ADAMTS3: variants seen among roughly 807,000 people sequenced by gnomAD.
ADAMTS3 encodes A disintegrin and metalloproteinase with thrombospondin motifs 3.
Under a neutral mutation model 129.0 loss-of-function variants are expected in ADAMTS3, and 73 were observed. The observed-to-expected ratio is 0.57, with a 90% CI of 0.47 to 0.69. The LOEUF is 0.69. ADAMTS3 is among the 30% of genes least tolerant of loss of function. ADAMTS3 has a pLI of 0.00. For missense variants in ADAMTS3, 1,457 were observed against 1,514.5 expected (o/e 0.96, Z 0.63); for synonymous variants, 477 against 510.8 (o/e 0.93, Z 0.89).
chr4:72,480,359 G>A (rs1050036696), intron 3 of ADAMTS3, among the ~76,000 whole-genome samples: 1 of 152,134 alleles, frequency 6.6e-6, no homozygotes, highest in Non-Finnish European at 1.5e-5. Context: ...GGAATACTAT[G>A]CAGCCATAAA....
intron 3 of ADAMTS3, among the ~76,000 whole-genome samples, chr4:72,452,742 G>C (rs78936064): frequency 1.9e-3 from 287 of 151,692 alleles, no homozygotes; most frequent in African/African-American, 6.7e-3. Flanking sequence ...CTACAAATTG[G>C]GCAGGTTCCC....
chr4:72,445,365 T>C (rs1718224261), intron 3 of ADAMTS3, among the ~76,000 whole-genome samples: 1 of 151,682 alleles, frequency 6.6e-6, no homozygotes, highest in African/African-American at 2.4e-5. Flanking sequence ...TTCTCCTGAG[T>C]CTAAAGCCAG....
intron 3 of ADAMTS3, among the ~76,000 whole-genome samples, chr4:72,477,971 A>T (rs1311049101): frequency 1.3e-5 from 2 of 152,100 alleles, no homozygotes; most frequent in Non-Finnish European, 2.9e-5. Context: ...CGACACATAC[A>T]CCCTCCCAAG....
intron 4 of ADAMTS3, among the ~76,000 whole-genome samples, chr4:72,392,323 G>GT (rs1223621051): frequency 6.6e-6 from 1 of 151,714 alleles, no homozygotes; most frequent in Non-Finnish European, 1.5e-5. Flanking sequence ...TGATGGCACT[G>GT]TAACTTTCCA....
At chr4:72,394,944 A>G (rs1306446281) in intron 4 of ADAMTS3, among the ~76,000 whole-genome samples, 4 of 143,366 alleles carry the variant, frequency 2.8e-5, no homozygotes, top group Admixed American at 7.1e-5. Context: ...TTTTTTTTGG[A>G]GATGGAGTTT....
At chr4:72,298,526 CTCT>C in intron 17 of ADAMTS3, 84 bp from the exon 18 acceptor site, 1 of 1,104,042 alleles carries the variant, frequency 9.1e-7, no homozygotes. Flanking sequence ...CAGAATATTG[CTCT>C]TATTAAAACT....
chr4:72,489,585 T>C (rs1719685686), intron 3 of ADAMTS3, among the ~76,000 whole-genome samples: 2 of 151,944 alleles, frequency 1.3e-5, no homozygotes, highest in Admixed American at 1.3e-4. Context: ...TTCTTCCTTC[T>C]GAGGTATAGT....
At chr4:72,365,835 G>A (rs550776380) in intron 4 of ADAMTS3, among the ~76,000 whole-genome samples, 10 of 152,112 alleles carry the variant, frequency 6.6e-5, no homozygotes, top group South Asian at 2.1e-4. Context: ...AATTTAACAC[G>A]GCAAATAATA....
At chr4:72,558,712 A>G (rs769809514) in intron 2 of ADAMTS3, among the ~76,000 whole-genome samples, 34 of 151,642 alleles carry the variant, frequency 2.2e-4, no homozygotes, top group Non-Finnish European at 4.3e-4. Context: ...GTGACTCTTC[A>G]GCATGCATCC....
chr4:72,358,225 A>T (rs1421006217), intron 4 of ADAMTS3, among the ~76,000 whole-genome samples: 1 of 151,958 alleles, frequency 6.6e-6, no homozygotes, highest in Non-Finnish European at 1.5e-5. Context: ...TTTTATATTT[A>T]TGTATGCTGG....
At chr4:72,522,534 T>A (rs1720701619) in intron 3 of ADAMTS3, among the ~76,000 whole-genome samples, 1 of 152,128 alleles carries the variant, frequency 6.6e-6, no homozygotes, top group African/African-American at 2.4e-5. Context: ...AGAGGTTACC[T>A]ACAAAGTCTA....
chr4:72,421,022 A>G (rs1035347322), intron 3 of ADAMTS3, among the ~76,000 whole-genome samples: 1 of 152,254 alleles, frequency 6.6e-6, no homozygotes, highest in Non-Finnish European at 1.5e-5. Context: ...GAAGAAGAAA[A>G]GTTCATAAAG....
rs894422387 is a variant in ADAMTS3, at chr4:72,548,591, T to C, written c.391A>G (p.Ser131Gly). The change falls in exon 3 of 22, where the codon AGT becomes GGT. Residue 131 changes from serine (S) to glycine (G), a missense_variant. Coordinates refer to ENST00000286657, the MANE Select transcript of ADAMTS3 (RefSeq NM_014243.3). ...TDPINNHQPG[S>G]ATYRIRRTEP... is the part of the protein sequence containing the mutation. ...GTTCTCCGGATTCTATACGTAGCAC[T>C]TCCTGGTTGATGGTTGTTAATGGGA... The C allele has an allele frequency of 1.9e-6, 3 of 1,614,038 alleles. No homozygotes were observed. Among genetic ancestry groups the C allele is most frequent in the Admixed American group, 1.7e-5 (1 of 60,004 alleles).
intron 5 of ADAMTS3, 53 bp downstream of exon 5, chr4:72,339,441 T>C (rs1720074032): frequency 6.3e-7 from 1 of 1,576,910 alleles, no homozygotes; most frequent in Non-Finnish European, 8.7e-7. Flanking sequence ...TACCAACAAA[T>C]AAGAGAAGTG....
chr4:72,568,652 T>G, intron 1 of ADAMTS3, 42 bp downstream of exon 1: 2 of 1,415,556 alleles, frequency 1.4e-6, no homozygotes, highest in Non-Finnish European at 1.9e-6. Context: ...CGGGAAAAGG[T>G]TGGGTTTGAG....
intron 4 of ADAMTS3, among the ~76,000 whole-genome samples, chr4:72,393,513 C>A (rs1482061851): frequency 6.6e-6 from 1 of 152,164 alleles, no homozygotes; most frequent in Non-Finnish European, 1.5e-5. Flanking sequence ...ATCCCACCTC[C>A]CAATTACTAT....
At chr4:72,379,567 G>T (rs540680954) in intron 4 of ADAMTS3, among the ~76,000 whole-genome samples, 72 of 152,176 alleles carry the variant, frequency 4.7e-4, no homozygotes, top group African/African-American at 1.7e-3. Context: ...TAGAGCTATA[G>T]TTGACAATTT....
In ADAMTS3 at chr4:72,341,934, A is replaced by G. The variant is rs142882327; in HGVS notation, c.662-2241T>C. On this transcript the variant is annotated intron_variant, in intron 4 of 21. Coordinates refer to ENST00000286657, the MANE Select transcript of ADAMTS3 (RefSeq NM_014243.3). The stretch of plus-strand genomic sequence containing the variant: ...GCACAATATCAAATATTTCAAAGAA[A>G]GACAGTAGGATAGCTTCTGGCACTT... 4.0e-3 allele frequency among the ~76,000 whole-genome samples: 609 copies of G among 152,322 alleles called. 3 individuals carry two copies. The highest frequency in any genetic ancestry group is 6.9e-3 in the Admixed American group (106 of 15,298).
chr4:72,379,154 C>T (rs1370655875), intron 4 of ADAMTS3, among the ~76,000 whole-genome samples: 2 of 152,236 alleles, frequency 1.3e-5, no homozygotes, highest in South Asian at 2.1e-4. Flanking sequence ...GATATCCCAG[C>T]ATATTCACAG....
Sources: gnomAD v4.1 joint callset for allele counts (sites outside exome capture counted in the v4.1 genomes callset) on GRCh38, gnomAD v4.1.1 for gene constraint, MANE v1.5 for transcripts, NCBI Gene and HGNC (gene_info 2026-07-23, HGNC 2026-07-21) for gene names.